RHOBTB1: variants seen among roughly 807,000 people sequenced by gnomAD.
The protein encoded by RHOBTB1 is Rho related BTB domain containing 1, also known as rho-related BTB domain-containing protein 1.
Under a neutral mutation model 71.6 loss-of-function variants are expected in RHOBTB1, and 40 were observed. That is an observed-to-expected ratio of 0.56 (90% CI 0.43 to 0.73). RHOBTB1 has a LOEUF of 0.73. RHOBTB1 is among the 30% of genes least tolerant of loss of function. RHOBTB1 has a pLI of 0.00. For missense variants in RHOBTB1, 797 were observed against 894.0 expected (o/e 0.89, Z 1.38); for synonymous variants, 319 against 334.9 (o/e 0.95, Z 0.52).
intron 5 of RHOBTB1, among the ~76,000 whole-genome samples, chr10:60,891,484 G>C (rs2132723805): frequency 6.6e-6 from 1 of 151,806 alleles, no homozygotes; most frequent in East Asian, 2.0e-4. Flanking sequence ...GAAACCACAG[G>C]TGTGCACCAC....
Position 60,872,229 on chromosome 10 carries a change from C to G in RHOBTB1, c.1877G>C (p.Ser626Thr). 1 of 1,614,118 alleles carries G rather than the reference C, an allele frequency of 6.2e-7. No homozygotes were observed. The highest frequency in any genetic ancestry group is 1.1e-5 in the South Asian group (1 of 91,078). The part of the protein sequence containing the change: ...CLHHICTNYN[S>T]VCSKFRKEIK... ...TTCCTTACGGAACTTGGAGCATACA[C>G]TGTTGTAGTTGGTGCAGATGTGGTG... The change falls in exon 10 of 11, where the codon AGT becomes ACT. Residue 626 changes from serine to threonine, a missense_variant. Ser to Thr is a moderately conservative substitution (Grantham distance 58). Coordinates refer to ENST00000337910, the MANE Select transcript of RHOBTB1 (RefSeq NM_014836.5).
chr10:60,960,382 G>A (rs1311095656), intron 2 of RHOBTB1, among the ~76,000 whole-genome samples: 1 of 152,160 alleles, frequency 6.6e-6, no homozygotes, highest in Non-Finnish European at 1.5e-5. Context: ...AGAGTCTGAC[G>A]TCTAGTCAGA....
intron 2 of RHOBTB1, among the ~76,000 whole-genome samples, chr10:60,977,174 G>T (rs2086344253): frequency 1.3e-5 from 2 of 152,040 alleles, no homozygotes; most frequent in African/African-American, 4.8e-5. Context: ...TAGAGTAGTA[G>T]ATTGATATTA....
At chr10:60,862,526 C>CT in the RHOBTB1 span, among the ~76,000 whole-genome samples, 204 of 104,930 alleles carry the variant, frequency 1.9e-3, no homozygotes, top group African/African-American at 8.4e-3. Flanking sequence ...GTCTCTCTCT[C>CT]CCTTTCTTTC....
intron 1 of RHOBTB1, among the ~76,000 whole-genome samples, chr10:60,997,087 AC>A (rs2087081850): frequency 6.6e-6 from 1 of 151,932 alleles, no homozygotes; most frequent in Admixed American, 6.6e-5. Flanking sequence ...ACACACACAC[AC>A]ACACACACAC....
In RHOBTB1 at chr10:60,912,224, T is replaced by C. The variant is rs967486685; in HGVS notation, c.-10-672A>G. The stretch of plus-strand genomic sequence containing the variant: ...GTGTGTATATATATGTGTATATATA[T>C]ACACACACACATATATATATGTATA... On this transcript the variant is annotated intron_variant, in intron 2 of 10. Transcript: ENST00000337910. 6.6e-5 allele frequency among the ~76,000 whole-genome samples: 10 copies of C among 151,430 alleles called. No homozygotes were observed. In the East Asian group the frequency reaches 7.8e-4, roughly 12 times the overall value.
chr10:60,967,699 CA>C (rs2086019062), intron 2 of RHOBTB1, among the ~76,000 whole-genome samples: 1 of 152,096 alleles, frequency 6.6e-6, no homozygotes, highest in Non-Finnish European at 1.5e-5. Context: ...TAAATGCCTT[CA>C]GGGGTGAGAG....
chr10:60,882,008 T>C (rs1173540868), intron 7 of RHOBTB1, among the ~76,000 whole-genome samples: 2 of 152,210 alleles, frequency 1.3e-5, no homozygotes, highest in Admixed American at 6.5e-5. Flanking sequence ...AGAACACTTT[T>C]GGAACATGCA....
At chr10:60,897,714 ATT>A (rs544735541) in intron 4 of RHOBTB1, among the ~76,000 whole-genome samples, 2 of 150,080 alleles carry the variant, frequency 1.3e-5, no homozygotes, top group African/African-American at 4.9e-5. Context: ...TATACATATA[ATT>A]TTTTTTTTGA....
rs546422586 is a variant in RHOBTB1 at position 60,901,372 on chromosome 10, C to T, written c.297-8377G>A. On this transcript the variant is annotated intron_variant, in intron 4 of 10. Coordinates refer to ENST00000337910, the MANE Select transcript of RHOBTB1 (RefSeq NM_014836.5). ...AATATCAGTGAAAGTGTTCTGTAAC[C>T]GTTAAGTGCCAATTATTATCAGACA... is the stretch of plus-strand genomic sequence containing the variant. 9.2e-5 allele frequency among the ~76,000 whole-genome samples: 14 copies of T among 152,094 alleles called. No homozygotes were observed. In the Middle Eastern group the frequency reaches 0.017, roughly 185 times the overall value.
intron 2 of RHOBTB1, among the ~76,000 whole-genome samples, chr10:60,964,100 A>G (rs182942878): frequency 5.9e-5 from 9 of 152,286 alleles, no homozygotes; most frequent in African/African-American, 1.9e-4. Context: ...ATGCAAACAT[A>G]AAATATAATC....
intron 2 of RHOBTB1, among the ~76,000 whole-genome samples, chr10:60,959,742 A>G (rs1589420780): frequency 6.6e-6 from 1 of 152,262 alleles, no homozygotes; most frequent in Admixed American, 6.5e-5. Flanking sequence ...TTCTGCAACT[A>G]AAAAATAACT....
At chr10:60,947,520 G>GT (rs370523055), upstream of RHOBTB1, among the ~76,000 whole-genome samples, 348 of 151,990 alleles carry the variant, frequency 2.3e-3, 1 homozygote, top group African/African-American at 7.1e-3. Flanking sequence ...CATCTCTAGA[G>GT]TTTTTTTATT....
upstream of RHOBTB1, among the ~76,000 whole-genome samples, chr10:60,945,612 C>T (rs1404194966): frequency 6.6e-6 from 1 of 152,198 alleles, no homozygotes; most frequent in Non-Finnish European, 1.5e-5. Context: ...TCTACTCTTC[C>T]TCACTTGCTT....
At chr10:60,913,167 A>G (rs1474388658) in intron 2 of RHOBTB1, among the ~76,000 whole-genome samples, 5 of 152,244 alleles carry the variant, frequency 3.3e-5, no homozygotes, top group Non-Finnish European at 7.3e-5. Context: ...AGTTAGGACT[A>G]TTGGAACATG....
the RHOBTB1 span, among the ~76,000 whole-genome samples, chr10:60,863,658 G>A: frequency 2.0e-5 from 3 of 151,918 alleles, no homozygotes; most frequent in Non-Finnish European, 2.9e-5. Context: ...TCAGCCTCCC[G>A]AGTAGCTGGG....
intron 2 of RHOBTB1, among the ~76,000 whole-genome samples, chr10:60,981,839 G>A (rs892767283): frequency 1.3e-5 from 2 of 151,870 alleles, no homozygotes; most frequent in Non-Finnish European, 1.5e-5. Context: ...GTGCGACCTC[G>A]GCTCACTGCA....
chr10:60,925,521 G>T (rs1321584821), intron 2 of RHOBTB1, among the ~76,000 whole-genome samples: 1 of 151,806 alleles, frequency 6.6e-6, no homozygotes, highest in South Asian at 2.1e-4. Flanking sequence ...ATATCGTAAA[G>T]AACTAGAAAA....
chr10:60,895,922 C>T (rs2082141383), intron 4 of RHOBTB1, among the ~76,000 whole-genome samples: 1 of 152,252 alleles, frequency 6.6e-6, no homozygotes, highest in East Asian at 1.9e-4. Flanking sequence ...AAAGATGCAG[C>T]TTTGATGCAT....
Sources: gnomAD v4.1 joint callset for allele counts (sites outside exome capture counted in the v4.1 genomes callset) on GRCh38, gnomAD v4.1.1 for gene constraint, MANE v1.5 for transcripts, NCBI Gene and HGNC (gene_info 2026-07-23, HGNC 2026-07-21) for gene names.